The following ZSCAN5A variants were observed in gnomAD, a reference collection of about 807,000 sequenced individuals.
The protein encoded by ZSCAN5A is zinc finger and SCAN domain containing 5A, also known as zinc finger and SCAN domain-containing protein 5A.
In ZSCAN5A, 12 loss-of-function variants were observed where a neutral mutation model predicts 23.7. That is an observed-to-expected ratio of 0.51 (90% confidence interval 0.32 to 0.82). ZSCAN5A has a LOEUF of 0.82. ZSCAN5A is among the 40% of genes least tolerant of loss of function. The pLI, the probability that ZSCAN5A is intolerant of heterozygous loss-of-function variation, is 0.03. For missense variants in ZSCAN5A, 597 were observed against 617.9 expected (o/e 0.97, Z 0.36); for synonymous variants, 257 against 239.9 (o/e 1.07, Z -0.66).
At chr19:56,335,253 AAAAG>A (rs2041524149) in intron 2 of ZSCAN5A, among the ~76,000 whole-genome samples, 1 of 152,216 alleles carries the variant, frequency 6.6e-6, no homozygotes, top group African/African-American at 2.4e-5. Flanking sequence ...AGAAAAAAAA[AAAAG>A]AATGAAAAGG....
chr19:56,222,507 C>G lies in ZSCAN5A; in HGVS notation c.739+84G>C, dbSNP rs537559202. The stretch of plus-strand genomic sequence containing the variant: ...CTTTGACAGCTGAGTGCCAACTCCC[C>G]CAGGGGATGATAATGCTGGGCCCCC... On this transcript the variant is annotated intron_variant, in intron 5 of 5. Transcript: ENST00000683990. 7.7e-6 allele frequency: 12 copies of G among 1,567,036 alleles called. No homozygotes were observed. The East Asian group carries it at 2.5e-4, about 32-fold the overall frequency.
chr19:56,313,346 C>A lies in ZSCAN5A; in HGVS notation c.-191G>T. 3.6e-6 allele frequency: 1 copy of A among 280,264 alleles called. No homozygotes were observed. Among genetic ancestry groups the A allele is most frequent in the Non-Finnish European group, 7.2e-6 (1 of 139,568 alleles). 17.4% of individuals were successfully genotyped at this position (280,264 alleles called of 1,614,324 possible). ...AAGGTCAAAGGCACGTCTCACATGG[C>A]AGCAGACAAGAGAAGAGAGCTTGAG... On this transcript the variant is annotated 5_prime_UTR_variant, in exon 2 of 6. Transcript: ENST00000683990.
At chr19:56,353,491 C>T (rs2017421) in intron 2 of ZSCAN5A, among the ~76,000 whole-genome samples, 63,719 of 151,844 alleles carry the variant, frequency 0.42, 15,108 homozygotes, top group East Asian at 0.7. Context: ...ATATTGAGGC[C>T]GGGCGCGGTG....
At chr19:56,261,200 T>G (rs1479016976) in intron 2 of ZSCAN5A, among the ~76,000 whole-genome samples, 1 of 131,696 alleles carries the variant, frequency 7.6e-6, no homozygotes, top group Admixed American at 7.5e-5. Context: ...AGAGCAAGAC[T>G]CTCAAAAAAA....
intron 2 of ZSCAN5A, among the ~76,000 whole-genome samples, chr19:56,288,621 G>A (rs113026586): frequency 8.5e-5 from 13 of 152,302 alleles, no homozygotes; most frequent in African/African-American, 2.4e-4. Context: ...CATACCTTGC[G>A]TGATGCCCAG....
At chr19:56,321,482 C>A in intron 2 of ZSCAN5A, 1 of 697,764 alleles carries the variant, frequency 1.4e-6, no homozygotes, top group East Asian at 2.5e-5. Context: ...AATTCCTGCC[C>A]TGTGAGGACA....
intron 2 of ZSCAN5A, among the ~76,000 whole-genome samples, chr19:56,345,786 G>GA (rs34560378): frequency 6.6e-6 from 1 of 151,950 alleles, no homozygotes; most frequent in Non-Finnish European, 1.5e-5. Context: ...AGTGCACTTA[G>GA]AAAAAAAATT....
chr19:56,235,121 A>ATGGACGGTGGGCCAAGCCTCCACTCCAG (rs1568623873), intron 2 of ZSCAN5A, among the ~76,000 whole-genome samples: 2 of 63,264 alleles, frequency 3.2e-5, no homozygotes, highest in African/African-American at 1.2e-4. Context: ...CTCCACTCCA[A>ATGGACGGTGGGCCAAGCCTCCACTCCAG]CCTCTGATGG....
At chr19:56,320,626 A>G (rs534664595) in intron 2 of ZSCAN5A, 1 of 677,638 alleles carries the variant, frequency 1.5e-6, no homozygotes, top group Non-Finnish European at 2.7e-6. Flanking sequence ...AATAATAATA[A>G]TAATAATAAT....
chr19:56,325,278 C>A lies in ZSCAN5A; in HGVS notation c.-357-9010G>T, dbSNP rs189466398. 2.6e-5 allele frequency among the ~76,000 whole-genome samples: 4 copies of A among 152,268 alleles called. No individual in the cohort carries two copies. In the East Asian group the frequency reaches 7.7e-4, roughly 29 times the overall value. On this transcript the variant is annotated intron_variant, in intron 2 of 6. Transcript: ENST00000587340. ...TAAAGGTATTGTGTGTGTGTCTTTT[C>A]TTCTCCCCTCACACGTTTCCCACAC...
intron 2 of ZSCAN5A, among the ~76,000 whole-genome samples, chr19:56,273,519 G>A (rs2038013835): frequency 6.6e-6 from 1 of 152,130 alleles, no homozygotes; most frequent in African/African-American, 2.4e-5. Flanking sequence ...ATTCTAGTGT[G>A]GGGATTCGGA....
intron 4 of ZSCAN5A, among the ~76,000 whole-genome samples, chr19:56,223,062 G>C (rs142304083): frequency 6.6e-6 from 1 of 152,080 alleles, no homozygotes; most frequent in African/African-American, 2.4e-5. Flanking sequence ...GACTCTAGTC[G>C]AGGCCCCTCA....
intron 2 of ZSCAN5A, among the ~76,000 whole-genome samples, chr19:56,287,830 A>T (rs1366855587): frequency 6.6e-6 from 1 of 152,184 alleles, no homozygotes; most frequent in African/African-American, 2.4e-5. Flanking sequence ...ATGAATTTCC[A>T]AGTATCCCTT....
chr19:56,256,586 T>A (rs2036710000), intron 2 of ZSCAN5A, among the ~76,000 whole-genome samples: 1 of 152,260 alleles, frequency 6.6e-6, no homozygotes, highest in Non-Finnish European at 1.5e-5. Flanking sequence ...ATATTGTATA[T>A]ACACATATCC....
At chr19:56,305,045 A>T (rs1457485179) in intron 2 of ZSCAN5A, among the ~76,000 whole-genome samples, 1 of 152,182 alleles carries the variant, frequency 6.6e-6, no homozygotes, top group Non-Finnish European at 1.5e-5. Context: ...AATGACAGGG[A>T]TGTGCCGGGC....
intron 2 of ZSCAN5A, among the ~76,000 whole-genome samples, chr19:56,254,888 T>C (rs1263495145): frequency 6.6e-6 from 1 of 152,110 alleles, no homozygotes; most frequent in Non-Finnish European, 1.5e-5. Context: ...ATCATGTTGT[T>C]AGTGTTTTGT....
chr19:56,293,846 C>T (rs1019854207), intron 2 of ZSCAN5A, among the ~76,000 whole-genome samples: 9 of 151,840 alleles, frequency 5.9e-5, no homozygotes, highest in Non-Finnish European at 1.3e-4. Flanking sequence ...GGACACCCCA[C>T]CCCCACAACA....
intron 2 of ZSCAN5A, chr19:56,266,308 G>A (rs7249494): frequency 0.13 from 19,639 of 151,976 alleles, 1,395 homozygotes; most frequent in African/African-American, 0.19. Flanking sequence ...CAAAGCTCCC[G>A]CTCTTTCTGC....
At chr19:56,258,465 GGGGGGTGACAGAGACGCCTTCCAGTGT>G (rs2036881978) in intron 2 of ZSCAN5A, among the ~76,000 whole-genome samples, 1 of 140,798 alleles carries the variant, frequency 7.1e-6, no homozygotes, top group Non-Finnish European at 1.5e-5. Flanking sequence ...CTTCCAGTGT[GGGGGGTGACAGAGACGCCTTCCAGTGT>G]GGGGGTGACG....
Sources: gnomAD v4.1 joint callset for allele counts (sites outside exome capture counted in the v4.1 genomes callset) on GRCh38, gnomAD v4.1.1 for gene constraint, MANE v1.5 for transcripts, NCBI Gene and HGNC (gene_info 2026-07-23, HGNC 2026-07-21) for gene names.